The following ZFYVE27 variants were observed in gnomAD, a reference collection of about 807,000 sequenced individuals.
ZFYVE27 encodes the protein protrudin.
In ZFYVE27, 36 loss-of-function variants were observed where a neutral mutation model predicts 52.8. That is an observed-to-expected ratio of 0.68 (90% CI 0.52 to 0.90). ZFYVE27 has a LOEUF of 0.90. Among genes scored for constraint, ZFYVE27 ranks in the 40% least tolerant of loss-of-function variants. The probability of loss-of-function intolerance (pLI) is 0.00; values close to 1 mark genes in which losing one functional copy is unlikely to be tolerated. For missense variants in ZFYVE27, 450 were observed against 527.2 expected, an observed-to-expected ratio of 0.85 and a Z score of 1.43; for synonymous variants, 223 against 215.6, an observed-to-expected ratio of 1.03 and a Z score of -0.30.
In ZFYVE27 at chr10:97,759,501, C is replaced by G. The variant is rs976805254; in HGVS notation, c.*201C>G. 5 of 657,856 alleles carry G rather than the reference C, an allele frequency of 7.6e-6. No homozygotes were observed. Among genetic ancestry groups the G allele is most frequent in the South Asian group, 1.7e-5 (1 of 59,438 alleles). The allele number at this position is 657,856 out of a possible 1,614,324, so 40.8% of individuals were successfully genotyped here. ...ATGAGAGTGGCTGGCAATGGCTGCT[C>G]TCAATCCCTTGAGGGAGAAGAGCCC... On this transcript the variant is annotated 3_prime_UTR_variant, in exon 13 of 13. Transcript: ENST00000684270.
chr10:97,740,520 A>G (rs370237866), intron 2 of ZFYVE27, among the ~76,000 whole-genome samples: 1 of 152,172 alleles, frequency 6.6e-6, no homozygotes, highest in East Asian at 1.9e-4. Flanking sequence ...AGTTAAGTGT[A>G]TCCTGTCCTG....
Position 97,743,159 on chromosome 10 carries a change from A to G in ZFYVE27, c.263A>G (p.Asn88Ser), listed in dbSNP as rs752086719. The G allele has an allele frequency of 2.5e-6, 4 of 1,614,158 alleles. No individual in the cohort carries two copies. Among genetic ancestry groups the G allele is most frequent in the Non-Finnish European group, 3.4e-6 (4 of 1,180,016 alleles). Residue 88 changes from asparagine (N) to serine (S), a missense_variant, in exon 3 of 13, where the codon AAT (asparagine) becomes AGT (serine). Physicochemically the swap from Asn to Ser is conservative, Grantham distance 46 (BLOSUM62 1). Coordinates refer to ENST00000684270, the MANE Select transcript of ZFYVE27 (RefSeq NM_001385875.1). ...CTCAACGTCTTGTTCCTCACTTTGA[A>G]TGAGGGTAAGAACTGCCTTCAGGGG... Reference protein sequence around the residue: ...LGLNVLFLTLNEGAWYSVGAL... With the variant: ...LGLNVLFLTLSEGAWYSVGAL...
chr10:97,748,725 A>G (rs1230401194), intron 5 of ZFYVE27, among the ~76,000 whole-genome samples: 29 of 152,174 alleles, frequency 1.9e-4, no homozygotes, highest in Admixed American at 1.8e-3. Flanking sequence ...TTATCATTAT[A>G]TTAAAGATGA....
At position 97,759,871 on chromosome 10, in the gene ZFYVE27, T is replaced by C. The variant is rs1324188175; in HGVS notation, c.*571T>C. On this transcript the variant is annotated 3_prime_UTR_variant, in exon 13 of 13. Coordinates refer to ENST00000684270, the MANE Select transcript of ZFYVE27 (RefSeq NM_001385875.1). ...CCAGGCCTAACAAGACCATGGGTGC[T>C]TCTAGAAACAGGGTTGAAGTTCCCA... 1.6e-4 allele frequency: 27 copies of C among 169,952 alleles called. No homozygotes were observed. Among genetic ancestry groups the C allele is most frequent in the Admixed American group, 1.5e-3 (27 of 18,412 alleles). 10.5% of individuals were successfully genotyped at this position (169,952 alleles called of 1,614,324 possible).
intron 6 of ZFYVE27, 150 bp from the exon 7 acceptor site, chr10:97,750,181 A>T: frequency 1.1e-6 from 1 of 930,196 alleles, no homozygotes; most frequent in Non-Finnish European, 1.7e-6. Flanking sequence ...TAAGAGGCTT[A>T]AGTTAGGTGA....
At position 97,757,068 on chromosome 10, in the gene ZFYVE27, C is replaced by T; in HGVS notation, c.1043-197C>T. 4.6e-6 allele frequency: 3 copies of T among 646,380 alleles called. No homozygotes were observed. The Middle Eastern group carries it at 1.3e-3, about 281-fold the overall frequency. 40.0% of individuals were successfully genotyped at this position (646,380 alleles called of 1,614,324 possible). A position where few individuals can be genotyped will look rare whatever the true frequency, so the allele number is the denominator to read the frequency against. ...GGTAGCTATGTATGGCTGGAGACAT[C>T]AGTCCTCAGGGGCTATCAGTCTTCT... On this transcript the variant is annotated intron_variant, in intron 10 of 12. Coordinates refer to ENST00000684270, the MANE Select transcript of ZFYVE27 (RefSeq NM_001385875.1).
intron 10 of ZFYVE27, among the ~76,000 whole-genome samples, chr10:97,755,411 A>G (rs2048109425): frequency 6.6e-6 from 1 of 152,226 alleles, no homozygotes; most frequent in South Asian, 2.1e-4. Context: ...ACAGTTCTGG[A>G]GGCTGGAAGT....
At chr10:97,742,817 T>C (rs374066663) in intron 2 of ZFYVE27, among the ~76,000 whole-genome samples, 33 of 152,352 alleles carry the variant, frequency 2.2e-4, no homozygotes, top group East Asian at 9.6e-4. Flanking sequence ...TTAAATGGTA[T>C]TAACTGGGTT....
intron 4 of ZFYVE27, among the ~76,000 whole-genome samples, chr10:97,747,833 A>G (rs147653476): frequency 6.6e-6 from 1 of 152,270 alleles, no homozygotes; most frequent in East Asian, 1.9e-4. Flanking sequence ...TGGTTCATCC[A>G]TGTTTAAAAA....
At chr10:97,751,536 T>C (rs1809247417) in intron 8 of ZFYVE27, 74 bp downstream of exon 8, 2 of 1,505,502 alleles carry the variant, frequency 1.3e-6, no homozygotes, top group African/African-American at 1.4e-5. Flanking sequence ...TTTTTTGTTT[T>C]TGTTTTTTAA....
In ZFYVE27 at chr10:97,751,573, T is replaced by A. The variant is rs900354899; in HGVS notation, c.876+111T>A. 2.8e-6 allele frequency: 3 copies of A among 1,058,186 alleles called. No homozygotes were observed. In the African/African-American group the frequency reaches 4.7e-5, roughly 17 times the overall value. The allele number at this position is 1,058,186 out of a possible 1,614,324, so 65.5% of individuals were successfully genotyped here. ...GTCCAAGTGAGAAGCTAAAACTTGC[T>A]GTGAGCTAGAACTCACTGGTTGAAA... On this transcript the variant is annotated intron_variant, in intron 8 of 12. Coordinates refer to ENST00000684270, the MANE Select transcript of ZFYVE27 (RefSeq NM_001385875.1).
At position 97,751,556 on chromosome 10, in the gene ZFYVE27, G is replaced by GAGAAGCT. The variant is rs1376281745; in HGVS notation, c.876+96_876+102dup. The GAGAAGCT allele has an allele frequency of 3.1e-6, 4 of 1,272,874 alleles. No individual in the cohort carries two copies. The African/African-American group carries it at 5.9e-5, about 19-fold the overall frequency. 78.8% of individuals were successfully genotyped at this position (1,272,874 alleles called of 1,614,324 possible). A position where few individuals can be genotyped will look rare whatever the true frequency, so the allele number is the denominator to read the frequency against. ...TGTTTTTGTTTTTTAATGTCCAAGT[G>GAGAAGCT]AGAAGCTAAAACTTGCTGTGAGCTA... On this transcript the variant is annotated intron_variant, in intron 8 of 12. Coordinates refer to ENST00000684270, the MANE Select transcript of ZFYVE27 (RefSeq NM_001385875.1).
chr10:97,757,451 T>C (rs2048654638), intron 11 of ZFYVE27, 140 bp downstream of exon 11: 1 of 1,352,962 alleles, frequency 7.4e-7, no homozygotes, highest in Admixed American at 1.8e-5. Context: ...GAGTGTGCCC[T>C]CCCCTGCGCC....
chr10:97,748,441 G>A (rs1433630021), intron 5 of ZFYVE27, 77 bp downstream of exon 5: 1 of 1,445,414 alleles, frequency 6.9e-7, no homozygotes, highest in Admixed American at 1.9e-5. Flanking sequence ...GCTGCCTTGA[G>A]AGGACCTCTG....
chr10:97,750,506 C>T (rs747022175), intron 7 of ZFYVE27, 36 bp downstream of exon 7: 51 of 1,612,286 alleles, frequency 3.2e-5, no homozygotes, highest in Admixed American at 3.0e-4. Flanking sequence ...CTGCTGTGGC[C>T]GCTTGTGGGC....
chr10:97,752,736 C>T, intron 8 of ZFYVE27, 121 bp from the exon 9 acceptor site: 1 of 1,149,950 alleles, frequency 8.7e-7, no homozygotes, highest in Non-Finnish European at 1.3e-6. Context: ...GGGAAGTGCG[C>T]AGAGCTCAGA....
intron 1 of ZFYVE27, 129 bp from the exon 2 acceptor site, chr10:97,738,348 G>A (rs1189718292): frequency 4.1e-6 from 4 of 983,152 alleles, no homozygotes; most frequent in Non-Finnish European, 6.4e-6. Flanking sequence ...CAAAGAACAG[G>A]ATTTTAGGTC....
chr10:97,751,401 C>T lies in ZFYVE27; in HGVS notation c.815C>T (p.Pro272Leu), dbSNP rs143634539. 58 of 1,613,712 alleles carry T rather than the reference C, an allele frequency of 3.6e-5. No individual in the cohort carries two copies. The highest frequency in any genetic ancestry group is 2.8e-4 in the African/African-American group (21 of 74,908). The change falls in exon 8 of 13, where the codon CCG (proline) becomes CTG (leucine). Residue 272 changes from proline to leucine, a missense_variant. Physicochemically the swap from Pro to Leu is moderately conservative, Grantham distance 98 (BLOSUM62 -3). Coordinates refer to ENST00000684270, the MANE Select transcript of ZFYVE27 (RefSeq NM_001385875.1). ...AGTCTCTCTTCCCAGGACCTCACACCGGGCAGCGTGGAGGAGGCTGAGGAG... is the reference window on the plus strand; with the variant it reads ...AGTCTCTCTTCCCAGGACCTCACACTGGGCAGCGTGGAGGAGGCTGAGGAG... ...PALTPTEDLTPGSVEEAEEAE... is the reference protein window; with the variant it reads ...PALTPTEDLTLGSVEEAEEAE...
chr10:97,741,738 T>C (rs559294681), intron 2 of ZFYVE27, among the ~76,000 whole-genome samples: 1 of 152,326 alleles, frequency 6.6e-6, no homozygotes, highest in Admixed American at 6.5e-5. Flanking sequence ...GTTCTGCACA[T>C]GTATCCCAGA....
Sources: allele counts gnomAD v4.1 joint callset (sites outside exome capture counted in the v4.1 genomes callset), GRCh38; gene constraint gnomAD v4.1.1; transcripts MANE v1.5; gene names NCBI Gene and HGNC (gene_info 2026-07-23, HGNC 2026-07-21).